Variants in TPRG1 observed in about 807,000 individuals in gnomAD.
The protein encoded by TPRG1 is tumor protein p63 regulated 1, also known as tumor protein p63-regulated gene 1 protein.
Under a neutral mutation model 29.3 loss-of-function variants are expected in TPRG1, and 29 were observed. The observed-to-expected ratio is 0.99, with a 90% CI of 0.74 to 1.35. TPRG1 has a LOEUF of 1.35. Among genes scored for constraint, TPRG1 ranks in the 40% most tolerant of loss-of-function variants. The pLI, the probability that TPRG1 is intolerant of heterozygous loss-of-function variation, is 0.00. For synonymous variants in TPRG1, 130 were observed against 116.8 expected (o/e 1.11, Z -0.73); for missense variants, 327 against 335.0 (o/e 0.98, Z 0.19).
intron 4 of TPRG1, among the ~76,000 whole-genome samples, chr3:189,308,980 TA>T (rs1722037247): frequency 6.6e-6 from 1 of 150,992 alleles, no homozygotes; most frequent in African/African-American, 2.4e-5. Context: ...TTTAGAGGTA[TA>T]TTTTTCTTCT....
At chr3:189,199,894 C>A (rs60621072) in intron 1 of TPRG1, among the ~76,000 whole-genome samples, 18,849 of 152,034 alleles carry the variant, frequency 0.12, 1,487 homozygotes, top group African/African-American at 0.22. Context: ...AAAACCAAAA[C>A]CAAAAACAAA....
intron 4 of TPRG1, among the ~76,000 whole-genome samples, chr3:189,045,175 A>G (rs947716300): frequency 3.9e-5 from 6 of 152,212 alleles, no homozygotes; most frequent in Non-Finnish European, 7.3e-5. Context: ...TAAGATAAAC[A>G]TCTGGAATGG....
chr3:189,215,297 G>A lies in TPRG1; in HGVS notation c.216G>A (p.Gly72=). ...ISRKYFATRP[G]AIETAMEDLK... ...ATTTTCTCCTTTCCACACAGCCGGG[G>A]GCCATTGAGACTGCCATGGAAGACT... Residue 72 remains glycine (G), a synonymous_variant, in exon 3 of 6, where the codon GGG becomes GGA. Coordinates refer to ENST00000345063, the MANE Select transcript of TPRG1 (RefSeq NM_198485.4). The A allele has an allele frequency of 6.2e-7, 1 of 1,611,852 alleles. No individual in the cohort carries two copies. Among genetic ancestry groups the A allele is most frequent in the African/African-American group, 1.3e-5 (1 of 74,828 alleles).
At chr3:189,071,576 A>G (rs1048384711) in intron 4 of TPRG1, among the ~76,000 whole-genome samples, 1 of 152,180 alleles carries the variant, frequency 6.6e-6, no homozygotes, top group African/African-American at 2.4e-5. Context: ...AGGCAAGCAC[A>G]CAGGTACAGA....
intron 3 of TPRG1, among the ~76,000 whole-genome samples, chr3:189,007,947 A>G (rs1204236720): frequency 2.0e-5 from 3 of 148,790 alleles, no homozygotes; most frequent in Non-Finnish European, 4.5e-5. Flanking sequence ...ACCTAATGCT[A>G]GATGACGAGT....
chr3:189,311,103 T>C (rs1722412569), intron 5 of TPRG1, among the ~76,000 whole-genome samples: 2 of 152,178 alleles, frequency 1.3e-5, no homozygotes, highest in South Asian at 2.1e-4. Flanking sequence ...CAAGCAGATA[T>C]TAGACTTATT....
At chr3:189,103,503 C>T (rs551046369) in intron 1 of TPRG1, among the ~76,000 whole-genome samples, 1 of 152,302 alleles carries the variant, frequency 6.6e-6, no homozygotes, top group South Asian at 2.1e-4. Context: ...TCCTTCCCTA[C>T]ACCACGGACA....
chr3:189,079,203 G>A (rs1717422328), intron 4 of TPRG1, among the ~76,000 whole-genome samples: 1 of 152,120 alleles, frequency 6.6e-6, no homozygotes, highest in African/African-American at 2.4e-5. Flanking sequence ...CTAATACAGT[G>A]AGAACTCACT....
intron 4 of TPRG1, among the ~76,000 whole-genome samples, chr3:189,083,283 G>T (rs1434123862): frequency 1.3e-5 from 2 of 152,192 alleles, no homozygotes; most frequent in Admixed American, 1.3e-4. Flanking sequence ...CTGGCATAGG[G>T]ATTCGGCTGC....
At position 189,312,246 on chromosome 3, in the gene TPRG1, G is replaced by C. The variant is rs557103343; in HGVS notation, c.633+1707G>C. Among the ~76,000 whole-genome samples the C allele has an allele frequency of 4.1e-5, 6 of 146,924 alleles. No homozygotes were observed. In the East Asian group the frequency reaches 1.2e-3, roughly 29 times the overall value. On this transcript the variant is annotated intron_variant, in intron 5 of 5. Transcript: ENST00000345063. ...AGACGGAGTCTCGCTCTGTCACCCA[G>C]GCTGGAGTGCAGTGGCACAATCTTG...
intron 1 of TPRG1, among the ~76,000 whole-genome samples, chr3:189,180,645 C>T (rs1730084673): frequency 6.6e-6 from 1 of 152,212 alleles, no homozygotes; most frequent in Admixed American, 6.5e-5. Context: ...AGCTCCATCC[C>T]TGTGGCTTTG....
chr3:189,277,606 A>G (rs1260556925), intron 4 of TPRG1, among the ~76,000 whole-genome samples: 1 of 152,212 alleles, frequency 6.6e-6, no homozygotes, highest in African/African-American at 2.4e-5. Flanking sequence ...AATAGAGAAG[A>G]TTAAATCAAA....
At chr3:189,105,385 C>T (rs540763285) in intron 1 of TPRG1, among the ~76,000 whole-genome samples, 1 of 152,144 alleles carries the variant, frequency 6.6e-6, no homozygotes, top group South Asian at 2.1e-4. Context: ...AATTGACTTC[C>T]AGAGGAATAT....
chr3:189,295,715 C>A (rs185763252), intron 4 of TPRG1, among the ~76,000 whole-genome samples: 1 of 151,876 alleles, frequency 6.6e-6, no homozygotes, highest in Non-Finnish European at 1.5e-5. Flanking sequence ...TTCTCAAGGG[C>A]GCGTGATGTT....
chr3:189,249,383 C>T (rs2108992603), intron 4 of TPRG1, among the ~76,000 whole-genome samples: 1 of 151,888 alleles, frequency 6.6e-6, no homozygotes, highest in East Asian at 1.9e-4. Context: ...GCAACCCTTA[C>T]ATTCTTTTTC....
chr3:189,228,789 A>T, intron 3 of TPRG1, among the ~76,000 whole-genome samples: 1 of 152,168 alleles, frequency 6.6e-6, no homozygotes, highest in Admixed American at 6.5e-5. Flanking sequence ...GCAAAAATAA[A>T]ACAAAATGCA....
chr3:189,279,554 A>G (rs1354065432), intron 4 of TPRG1, among the ~76,000 whole-genome samples: 2 of 152,146 alleles, frequency 1.3e-5, no homozygotes, highest in Non-Finnish European at 2.9e-5. Flanking sequence ...ATTTTTTCTC[A>G]TCTGTAAATG....
At chr3:189,046,806 T>A (rs1157588577) in intron 4 of TPRG1, among the ~76,000 whole-genome samples, 1 of 152,058 alleles carries the variant, frequency 6.6e-6, no homozygotes, top group Non-Finnish European at 1.5e-5. Flanking sequence ...AGACAATTTT[T>A]ACTTAATGGC....
chr3:189,056,336 C>T (rs1715696952), intron 4 of TPRG1, among the ~76,000 whole-genome samples: 1 of 152,028 alleles, frequency 6.6e-6, no homozygotes, highest in Admixed American at 6.6e-5. Flanking sequence ...CCTCAAGTGA[C>T]CTACCCACCT....
Sources: allele counts gnomAD v4.1 joint callset (sites outside exome capture counted in the v4.1 genomes callset), GRCh38; gene constraint gnomAD v4.1.1; transcripts MANE v1.5; gene names NCBI Gene and HGNC (gene_info 2026-07-23, HGNC 2026-07-21).